SLC6A18: variants seen among roughly 807,000 people sequenced by gnomAD.
SLC6A18 encodes inactive sodium-dependent neutral amino acid transporter B(0)AT3.
In SLC6A18, 58 loss-of-function variants were observed where a neutral mutation model predicts 62.9. That is an observed-to-expected ratio of 0.92 (90% CI 0.75 to 1.15). SLC6A18 has a LOEUF of 1.15. SLC6A18 is among the 50% of genes most tolerant of loss of function. SLC6A18 has a pLI of 0.00. For synonymous variants in SLC6A18, 382 were observed against 365.8 expected, an observed-to-expected ratio of 1.04 and a Z score of -0.51; for missense variants, 793 against 836.6, an observed-to-expected ratio of 0.95 and a Z score of 0.64.
chr5:1,226,749 C>G (rs372726716), intron 1 of SLC6A18, among the ~76,000 whole-genome samples: 11 of 152,262 alleles, frequency 7.2e-5, no homozygotes, highest in African/African-American at 2.6e-4. Context: ...CTGAAAGCAC[C>G]AAAGCCCAAG....
intron 1 of SLC6A18, among the ~76,000 whole-genome samples, chr5:1,227,130 G>A (rs1235476607): frequency 2.1e-5 from 3 of 146,098 alleles, no homozygotes; most frequent in Non-Finnish European, 4.5e-5. Flanking sequence ...CTTGCCCGTC[G>A]ATGCCTTGCC....
Position 1,243,866 on chromosome 5 carries a change from A to C in SLC6A18, c.1336+107A>C, listed in dbSNP as rs1747138241. 6 of 1,098,956 alleles carry C rather than the reference A, an allele frequency of 5.5e-6. No individual in the cohort carries two copies. Among genetic ancestry groups the C allele is most frequent in the Non-Finnish European group, 7.6e-6 (6 of 787,426 alleles). 68.1% of individuals were successfully genotyped at this position (1,098,956 alleles called of 1,614,324 possible). A position where few individuals can be genotyped will look rare whatever the true frequency, so the allele number is the denominator to read the frequency against. The stretch of plus-strand genomic sequence containing the variant: ...CCTGGATGGAGAGCGCAAGGGGCCA[A>C]GCCTGAGTTCAGGGAAAGGCTGAGC... On this transcript the variant is annotated intron_variant, in intron 9 of 11. Coordinates refer to ENST00000324642, the MANE Select transcript of SLC6A18 (RefSeq NM_182632.3). The surrounding 1 kb of genome is among the most constrained non-coding windows in gnomAD (Gnocchi z 6.5).
chr5:1,244,171 T>G, intron 9 of SLC6A18, 43 bp from the exon 10 acceptor site: 6 of 588,184 alleles, frequency 1.0e-5, no homozygotes, highest in Non-Finnish European at 1.8e-5. Context: ...ACACCTCCAC[T>G]CCCCATCCCC....
At position 1,244,642 on chromosome 5, in the gene SLC6A18, C is replaced by T. The variant is rs376123796; in HGVS notation, c.1531C>T (p.Arg511Trp). 2.9e-5 allele frequency: 46 copies of T among 1,606,892 alleles called. No homozygotes were observed. Among genetic ancestry groups the T allele is most frequent in the African/African-American group, 1.2e-4 (9 of 74,726 alleles). Residue 511 changes from arginine (R) to tryptophan (W), a missense_variant, in exon 11 of 12, where the codon CGG becomes TGG. Physicochemically the swap from Arg to Trp is moderately radical, Grantham distance 101. Transcript: ENST00000324642. ...TGACATTGCGTGGATGACCGGGAGG[C>T]GGCCCAGCCCCTACTGGCGGCTGAC... ...CDDIAWMTGR[R>W]PSPYWRLTWR... is the part of the protein sequence containing the mutation.
intron 4 of SLC6A18, among the ~76,000 whole-genome samples, chr5:1,236,215 T>C (rs1746880759): frequency 6.6e-6 from 1 of 152,186 alleles, no homozygotes; most frequent in South Asian, 2.1e-4. Context: ...GCTTTAACTC[T>C]CTCTTGTTAT....
chr5:1,226,804 C>T lies in SLC6A18; in HGVS notation c.160+1167C>T, dbSNP rs571667998. 6.4e-4 allele frequency among the ~76,000 whole-genome samples: 97 copies of T among 152,232 alleles called. 1 individual carries two copies. The highest frequency in any genetic ancestry group is 8.5e-4 in the Non-Finnish European group (58 of 67,998). On this transcript the variant is annotated intron_variant, in intron 1 of 11. Transcript: ENST00000324642. ...CCCGGGGCCCTCGCTGCCTGTGCTG[C>T]GGCTCGATCTGCTAAGAGTCACCAG...
chr5:1,245,522 A>T (rs1050494236), intron 11 of SLC6A18, among the ~76,000 whole-genome samples: 2 of 152,162 alleles, frequency 1.3e-5, no homozygotes, highest in Non-Finnish European at 2.9e-5. Context: ...CACCCAGTGT[A>T]TAGGGGAGAA....
intron 10 of SLC6A18, 22 bp from the exon 11 acceptor site, chr5:1,244,586 C>G: frequency 6.3e-7 from 1 of 1,577,528 alleles, no homozygotes; most frequent in Non-Finnish European, 8.6e-7. Flanking sequence ...CATGTGAAGC[C>G]TGAGCCCAGC....
At position 1,244,753 on chromosome 5, in the gene SLC6A18, T is replaced by C; in HGVS notation, c.1642T>C (p.Trp548Arg). The change falls in exon 11 of 12, where the codon TGG becomes CGG. Residue 548 changes from tryptophan to arginine, a missense_variant. Trp to Arg is a moderately radical substitution (Grantham distance 101, BLOSUM62 -3). Coordinates refer to ENST00000324642, the MANE Select transcript of SLC6A18 (RefSeq NM_182632.3). ...CTGGAAGCCACTGAGATACAAGGCC[T>C]GGAACCCCAAATACGTAGGTCCTTC... ...LFWKPLRYKA[W>R]NPKYELFPSR... 1 of 1,607,386 alleles carries C rather than the reference T, an allele frequency of 6.2e-7. No individual in the cohort carries two copies. The highest frequency in any genetic ancestry group is 8.5e-7 in the Non-Finnish European group (1 of 1,174,840).
rs937946562 is a variant in SLC6A18 at position 1,241,147 on chromosome 5, C to G, written c.974+488C>G. 5.3e-5 allele frequency among the ~76,000 whole-genome samples: 8 copies of G among 152,176 alleles called. No individual in the cohort carries two copies. The highest frequency in any genetic ancestry group is 1.9e-4 in the African/African-American group (8 of 41,444). Reference sequence around the variant, plus strand: ...GATGATTTCCCGTGGTTTTGAGGCACCATTGCTGGTCGTTTGCTGCGGTGG... The same window carrying G: ...GATGATTTCCCGTGGTTTTGAGGCAGCATTGCTGGTCGTTTGCTGCGGTGG... On this transcript the variant is annotated intron_variant, in intron 7 of 11. Coordinates refer to ENST00000324642, the MANE Select transcript of SLC6A18 (RefSeq NM_182632.3). This position sits in a 1 kb window ranked among gnomAD's most constrained non-coding sequence, Gnocchi z 7.8.
intron 3 of SLC6A18, among the ~76,000 whole-genome samples, chr5:1,234,662 C>T (rs575328997): frequency 1.5e-4 from 23 of 152,354 alleles, no homozygotes; most frequent in African/African-American, 3.8e-4. Flanking sequence ...GGAAAATTTC[C>T]GAAGAAAAGG....
rs780239178 is a variant in SLC6A18 at position 1,232,782 on chromosome 5, C to A, written c.333C>A (p.Ile111=). 1 of 1,613,514 alleles carries A rather than the reference C, an allele frequency of 6.2e-7. No homozygotes were observed. The highest frequency in any genetic ancestry group is 8.5e-7 in the Non-Finnish European group (1 of 1,179,980). ...GCTGTGTCACGCTGTCCTTCCTGATCAGCCTGTACTACAACACCATCGTGG... is the reference window on the plus strand; with the variant it reads ...GCTGTGTCACGCTGTCCTTCCTGATAAGCCTGTACTACAACACCATCGTGG... The part of the protein sequence containing the change: ...GLGCVTLSFL[I]SLYYNTIVAW... Residue 111 remains isoleucine, a synonymous_variant, in exon 3 of 12, where the codon ATC becomes ATA. Coordinates refer to ENST00000324642, the MANE Select transcript of SLC6A18 (RefSeq NM_182632.3).
At chr5:1,228,157 C>T (rs893929054) in intron 1 of SLC6A18, among the ~76,000 whole-genome samples, 1 of 152,110 alleles carries the variant, frequency 6.6e-6, no homozygotes, top group Non-Finnish European at 1.5e-5. Context: ...CCAGCTGCTA[C>T]TTTTCCTCTG....
intron 1 of SLC6A18, among the ~76,000 whole-genome samples, chr5:1,230,766 A>G (rs1445440545): frequency 6.6e-6 from 1 of 152,090 alleles, no homozygotes; most frequent in Non-Finnish European, 1.5e-5. Flanking sequence ...GCCGGCACCC[A>G]TGTAGGTCAG....
chr5:1,235,958 T>G (rs979387902), intron 4 of SLC6A18, among the ~76,000 whole-genome samples: 9 of 152,224 alleles, frequency 5.9e-5, no homozygotes, highest in African/African-American at 2.2e-4. Context: ...TTTTTGTATC[T>G]TTATGTTGAA....
In SLC6A18 at chr5:1,244,257, G is replaced by A. The variant is rs76437235; in HGVS notation, c.1380G>A (p.Thr460=). The A allele has an allele frequency of 5.1e-6, 8 of 1,582,658 alleles. No individual in the cohort carries two copies. Among genetic ancestry groups the A allele is most frequent in the South Asian group, 3.3e-5 (3 of 90,478 alleles). The change falls in exon 10 of 12, where the codon ACG becomes ACA. Residue 460 remains threonine, a synonymous_variant. Coordinates refer to ENST00000324642, the MANE Select transcript of SLC6A18 (RefSeq NM_182632.3). The part of the protein sequence containing the change: ...LVCFLSATCF[T]LQSGNYWLEI... ...GCTTCCTCTCCGCCACCTGCTTCAC[G>A]CTGCAGTCTGGGAACTACTGGCTGG... is the stretch of plus-strand genomic sequence containing the variant.
At chr5:1,226,805 G>A (rs369970942) in intron 1 of SLC6A18, among the ~76,000 whole-genome samples, 55 of 152,230 alleles carry the variant, frequency 3.6e-4, no homozygotes, top group African/African-American at 4.8e-4. Context: ...CCTGTGCTGC[G>A]GCTCGATCTG....
At chr5:1,230,441 C>T (rs978947348) in intron 1 of SLC6A18, among the ~76,000 whole-genome samples, 1 of 152,174 alleles carries the variant, frequency 6.6e-6, no homozygotes. Context: ...AGGCTGACCC[C>T]GTAGACCTCA....
intron 4 of SLC6A18, among the ~76,000 whole-genome samples, chr5:1,236,090 G>A (rs1746876723): frequency 6.6e-6 from 1 of 151,822 alleles, no homozygotes; most frequent in African/African-American, 2.4e-5. Flanking sequence ...ATATGGTTGG[G>A]TTTAGCTCTG....
Sources: gnomAD v4.1 joint callset for allele counts (sites outside exome capture counted in the v4.1 genomes callset) on GRCh38, gnomAD v4.1.1 for gene constraint, Gnocchi (gnomAD v3.1) non-coding constraint, MANE v1.5 for transcripts, NCBI Gene and HGNC (gene_info 2026-07-23, HGNC 2026-07-21) for gene names.